CDH12: variants seen among roughly 807,000 people sequenced by gnomAD.
CDH12 encodes cadherin 12, also known as cadherin-12.
Under a neutral mutation model 74.1 loss-of-function variants are expected in CDH12, and 41 were observed. The observed-to-expected ratio is 0.55, with a 90% CI of 0.43 to 0.72. CDH12 has a LOEUF of 0.72. CDH12 is among the 30% of genes least tolerant of loss of function. The pLI, the probability that CDH12 is intolerant of heterozygous loss-of-function variation, is 0.00. For missense variants in CDH12, 945 were observed against 977.2 expected, an observed-to-expected ratio of 0.97 and a Z score of 0.44; for synonymous variants, 399 against 355.0, an observed-to-expected ratio of 1.12 and a Z score of -1.39.
chr5:22,392,150 A>G (rs1253187217), intron 3 of CDH12, among the ~76,000 whole-genome samples: 1 of 152,160 alleles, frequency 6.6e-6, no homozygotes, highest in African/African-American at 2.4e-5. Flanking sequence ...TCACTAAATA[A>G]CGATTCAGGA....
intron 8 of CDH12, among the ~76,000 whole-genome samples, chr5:21,839,049 G>A (rs1379780356): frequency 3.3e-5 from 5 of 152,042 alleles, no homozygotes; most frequent in Admixed American, 1.3e-4. Context: ...CCAAAACAGC[G>A]CCCAATTTCA....
chr5:22,162,563 A>G (rs1356696969), intron 4 of CDH12, among the ~76,000 whole-genome samples: 1 of 152,198 alleles, frequency 6.6e-6, no homozygotes, highest in Non-Finnish European at 1.5e-5. Flanking sequence ...TAAACCAGAC[A>G]CAGGTCAGAC....
intron 3 of CDH12, among the ~76,000 whole-genome samples, chr5:22,330,965 G>A (rs994247333): frequency 1.3e-5 from 2 of 151,960 alleles, no homozygotes; most frequent in Admixed American, 6.6e-5. Flanking sequence ...TGCACCACAA[G>A]CTGATGGAAC....
intron 7 of CDH12, 29 bp from the exon 8 acceptor site, chr5:21,842,357 T>C (rs372717420): frequency 5.2e-5 from 77 of 1,469,710 alleles, no homozygotes; most frequent in Non-Finnish European, 6.7e-5. Context: ...TAATGTAAAA[T>C]AAATATCACA....
intron 10 of CDH12, among the ~76,000 whole-genome samples, chr5:21,801,234 A>C (rs1747094981): frequency 6.6e-6 from 1 of 152,202 alleles, no homozygotes; most frequent in South Asian, 2.1e-4. Context: ...CTTGTCACAT[A>C]GTGTAAAATC....
At chr5:22,802,231 C>T (rs935924749) in intron 1 of CDH12, among the ~76,000 whole-genome samples, 1 of 151,048 alleles carries the variant, frequency 6.6e-6, no homozygotes, top group Non-Finnish European at 1.5e-5. Flanking sequence ...ACGCCATTCT[C>T]CTGCCTCAGC....
At chr5:22,720,826 A>G (rs1743843136) in intron 1 of CDH12, among the ~76,000 whole-genome samples, 3 of 152,164 alleles carry the variant, frequency 2.0e-5, no homozygotes, top group Admixed American at 2.0e-4. Flanking sequence ...TAGCAAAGAG[A>G]CTGGTGGCAT....
intron 2 of CDH12, among the ~76,000 whole-genome samples, chr5:22,406,287 G>A (rs1742937006): frequency 6.6e-6 from 1 of 152,124 alleles, no homozygotes; most frequent in Non-Finnish European, 1.5e-5. Context: ...TCAATTAATA[G>A]TTAGCTGAAC....
intron 2 of CDH12, among the ~76,000 whole-genome samples, chr5:22,491,736 G>C (rs1037642681): frequency 6.6e-6 from 1 of 152,124 alleles, no homozygotes; most frequent in Non-Finnish European, 1.5e-5. Context: ...GTGGGCTGTG[G>C]GTTGGACAAG....
chr5:22,833,624 T>C (rs58611176), intron 1 of CDH12, among the ~76,000 whole-genome samples: 8,168 of 152,296 alleles, frequency 0.054, 334 homozygotes, highest in South Asian at 0.18. Context: ...AACTAGGTCA[T>C]GGTTTCTTTT....
chr5:22,258,297 A>G (rs373660153), intron 3 of CDH12, among the ~76,000 whole-genome samples: 4 of 152,058 alleles, frequency 2.6e-5, no homozygotes, highest in East Asian at 3.9e-4. Flanking sequence ...TGCCCATCCT[A>G]TAGTTTTGAA....
intron 1 of CDH12, among the ~76,000 whole-genome samples, chr5:22,806,768 T>C (rs1340142928): frequency 6.6e-6 from 1 of 152,184 alleles, no homozygotes; most frequent in African/African-American, 2.4e-5. Flanking sequence ...GCTGCAAAAA[T>C]GTCTTATTTT....
intron 5 of CDH12, among the ~76,000 whole-genome samples, chr5:22,012,406 TA>T (rs1459152493): frequency 7.9e-5 from 12 of 152,268 alleles, no homozygotes; most frequent in Non-Finnish European, 1.6e-4. Flanking sequence ...AATATAATTT[TA>T]ATTCCAGTTG....
At chr5:22,420,229 T>C (rs1477301564) in intron 2 of CDH12, among the ~76,000 whole-genome samples, 1 of 152,188 alleles carries the variant, frequency 6.6e-6, no homozygotes, top group Admixed American at 6.5e-5. Context: ...TTTGACGTTT[T>C]CTTCATGAAA....
rs1302956447 is a variant in CDH12 at position 22,533,008 on chromosome 5, G to A, written c.-522-27644C>T. Among the ~76,000 whole-genome samples the A allele has an allele frequency of 2.6e-5, 4 of 151,996 alleles. No individual in the cohort carries two copies. In the South Asian group the frequency reaches 6.2e-4, roughly 24 times the overall value. On this transcript the variant is annotated intron_variant, in intron 1 of 14. Coordinates refer to ENST00000382254, the MANE Select transcript of CDH12 (RefSeq NM_004061.5). ...TTACTAGCCTATTTGAAACTTTAAAGAGGTATATCCTGAAAATTTTGTTGC... is the reference window on the plus strand; with the variant it reads ...TTACTAGCCTATTTGAAACTTTAAAAAGGTATATCCTGAAAATTTTGTTGC...
intron 2 of CDH12, among the ~76,000 whole-genome samples, chr5:22,446,002 T>G (rs940899325): frequency 1.4e-4 from 22 of 152,118 alleles, no homozygotes. Context: ...AAATGATCCA[T>G]CTGTATCTCA....
At chr5:22,412,587 T>C (rs1229352335) in intron 2 of CDH12, among the ~76,000 whole-genome samples, 1 of 151,922 alleles carries the variant, frequency 6.6e-6, no homozygotes, top group Non-Finnish European at 1.5e-5. Flanking sequence ...TTAATCACAA[T>C]CATAAGAAAG....
chr5:22,644,082 C>G (rs187481948), intron 1 of CDH12, among the ~76,000 whole-genome samples: 2 of 151,872 alleles, frequency 1.3e-5, no homozygotes, highest in African/African-American at 4.8e-5. Context: ...CTCGGTGCTC[C>G]GTATTCCCTG....
At chr5:22,662,580 A>C (rs1740406577) in intron 1 of CDH12, among the ~76,000 whole-genome samples, 1 of 152,240 alleles carries the variant, frequency 6.6e-6, no homozygotes, top group South Asian at 2.1e-4. Context: ...AAAAATAAAC[A>C]CAATCACTTA....
Sources: allele counts gnomAD v4.1 joint callset (sites outside exome capture counted in the v4.1 genomes callset), GRCh38; gene constraint gnomAD v4.1.1; transcripts MANE v1.5; gene names NCBI Gene and HGNC (gene_info 2026-07-23, HGNC 2026-07-21).